Variants in GALNT1 observed in about 807,000 individuals in gnomAD.
The protein encoded by GALNT1 is polypeptide N-acetylgalactosaminyltransferase 1, also known as GalNAc transferase 1.
In GALNT1, 17 loss-of-function variants were observed where a neutral mutation model predicts 65.7. The ratio of observed to expected loss-of-function variants is 0.26; its 90% CI spans 0.18 to 0.39. GALNT1 has a LOEUF of 0.39. GALNT1 is among the 10% of genes least tolerant of loss of function. The pLI is 1.00. For synonymous variants in GALNT1, 210 were observed against 219.7 expected (o/e 0.96, Z 0.39); for missense variants, 460 against 672.8 (o/e 0.68, Z 3.50).
At chr18:35,697,131 T>TAAAGG (rs2048071416) in intron 9 of GALNT1, among the ~76,000 whole-genome samples, 1 of 152,258 alleles carries the variant, frequency 6.6e-6, no homozygotes, top group East Asian at 1.9e-4. Flanking sequence ...GGTCTGTGGA[T>TAAAGG]AAAGGAAAGA....
At position 35,615,684 on chromosome 18, in the gene GALNT1, C is replaced by G. The variant is rs1295357620; in HGVS notation, c.-104+33822C>G. 2.0e-5 allele frequency among the ~76,000 whole-genome samples: 3 copies of G among 152,124 alleles called. No individual in the cohort carries two copies. The East Asian group carries it at 5.8e-4, about 29-fold the overall frequency. ...AAGGATTTTTAGAATCAGTAATGCA[C>G]ACACCCATATGTCAGTACGCATACA... On this transcript the variant is annotated intron_variant, in intron 1 of 11. Transcript: ENST00000269195.
At chr18:35,602,203 G>C (rs1351539126) in intron 1 of GALNT1, among the ~76,000 whole-genome samples, 2 of 152,132 alleles carry the variant, frequency 1.3e-5, no homozygotes, top group Non-Finnish European at 2.9e-5. Context: ...CTTTTGGCTT[G>C]TGTAGTTTCC....
chr18:35,695,207 G>T (rs140135411), intron 9 of GALNT1, among the ~76,000 whole-genome samples: 1 of 148,946 alleles, frequency 6.7e-6, no homozygotes, highest in Non-Finnish European at 1.5e-5. Flanking sequence ...GGGATCTGTT[G>T]TTATGGGTGT....
chr18:35,668,916 C>G (rs1034998607), intron 3 of GALNT1, among the ~76,000 whole-genome samples: 1 of 152,100 alleles, frequency 6.6e-6, no homozygotes, highest in African/African-American at 2.4e-5. Context: ...AGTATAAGTT[C>G]TATAGCTATT....
chr18:35,656,233 G>C (rs889537305), intron 2 of GALNT1, among the ~76,000 whole-genome samples: 14 of 152,164 alleles, frequency 9.2e-5, no homozygotes, highest in African/African-American at 3.4e-4. Flanking sequence ...TTGACAGTGA[G>C]AAAGAATAGG....
chr18:35,651,433 ATAT>A (rs1398792295), intron 1 of GALNT1, among the ~76,000 whole-genome samples: 3 of 152,348 alleles, frequency 2.0e-5, no homozygotes, highest in Non-Finnish European at 4.4e-5. Context: ...GTAATGAAAA[ATAT>A]TATATCAAAA....
At chr18:35,702,863 A>G (rs781483284) in intron 9 of GALNT1, 34 bp from the exon 10 acceptor site, 20 of 1,431,948 alleles carry the variant, frequency 1.4e-5, no homozygotes, top group Admixed American at 3.8e-5. Flanking sequence ...AACTTCTCCA[A>G]CTCCTGATAT....
In GALNT1 at chr18:35,686,428, G is replaced by C. The variant is rs531532883; in HGVS notation, c.690-588G>C. Among the ~76,000 whole-genome samples the C allele has an allele frequency of 2.0e-5, 3 of 152,158 alleles. No individual in the cohort carries two copies. The South Asian group carries it at 6.2e-4, about 32-fold the overall frequency. On this transcript the variant is annotated intron_variant, in intron 5 of 11. Coordinates refer to ENST00000269195, the MANE Select transcript of GALNT1 (RefSeq NM_020474.4). The stretch of plus-strand genomic sequence containing the variant: ...TCTGAAGAAGAATCAGATCTAAGGG[G>C]GCTTGCCTTACTAGGCGTCAAGACT...
In GALNT1 at chr18:35,677,697, A is replaced by G; in HGVS notation, c.421A>G (p.Asn141Asp). The G allele has an allele frequency of 6.2e-7, 1 of 1,613,144 alleles. No individual in the cohort carries two copies. Among genetic ancestry groups the G allele is most frequent in the Non-Finnish European group, 8.5e-7 (1 of 1,179,310 alleles). ...TLLRTVHSVI[N>D]RSPRHMIEEI... ...TCTGCGAACTGTCCATAGTGTCATT[A>G]ATCGCTCACCAAGACACATGATAGA... Residue 141 changes from asparagine to aspartate, a missense_variant, in exon 4 of 12, where the codon AAT becomes GAT. Transcript: ENST00000269195.
In GALNT1 at chr18:35,654,791, TG is replaced by T; in HGVS notation, c.130del (p.Ala44LeufsTer5). 1 of 1,552,708 alleles carries T rather than the reference TG, an allele frequency of 6.4e-7. No individual in the cohort carries two copies. The highest frequency in any genetic ancestry group is 8.7e-7 in the Non-Finnish European group (1 of 1,146,260). On this transcript the variant is annotated frameshift_variant, in exon 2 of 12. Coordinates refer to ENST00000269195, the MANE Select transcript of GALNT1 (RefSeq NM_020474.4). LOFTEE classifies it high-confidence loss of function. ...ATGAAAAAAAGGAGAGAGGACTTCC[TG>T]CTGGAGATGGTGAGTGACATTTTAT... is the stretch of plus-strand genomic sequence containing the variant. ...CDEKKERGLP[A>X]GDVLEPVQKP... is the part of the protein sequence containing the mutation.
At chr18:35,621,589 G>A (rs533526867) in intron 1 of GALNT1, among the ~76,000 whole-genome samples, 12 of 151,886 alleles carry the variant, frequency 7.9e-5, no homozygotes, top group South Asian at 2.1e-4. Context: ...CCGGACTTTC[G>A]CATATCTTAT....
intron 7 of GALNT1, among the ~76,000 whole-genome samples, chr18:35,689,826 T>G (rs2047928687): frequency 6.6e-6 from 1 of 151,920 alleles, no homozygotes; most frequent in Non-Finnish European, 1.5e-5. Context: ...AGAATCAACA[T>G]ATCGTTTAAA....
chr18:35,608,825 A>G (rs1444267414), intron 1 of GALNT1, among the ~76,000 whole-genome samples: 1 of 152,222 alleles, frequency 6.6e-6, no homozygotes, highest in Non-Finnish European at 1.5e-5. Flanking sequence ...AGTTTTCTGC[A>G]TCTTCCAGCT....
rs200314816 is a variant in GALNT1 at position 35,692,376 on chromosome 18, T to TA, written c.1299+65dup. 2.2e-3 allele frequency: 2,363 copies of TA among 1,091,400 alleles called. 5 individuals are homozygous for TA. Among genetic ancestry groups the TA allele is most frequent in the African/African-American group, 8.4e-3 (506 of 60,008 alleles). 67.6% of individuals were successfully genotyped at this position (1,091,400 alleles called of 1,614,324 possible). A position where few individuals can be genotyped will look rare whatever the true frequency, so the allele number is the denominator to read the frequency against. ...GGTTATTATGTTCTTACTTTTTTAT[T>TA]AAAAAAAAATAGGAGTTAGTTAAAC... On this transcript the variant is annotated intron_variant, in intron 9 of 11. Transcript: ENST00000269195.
At chr18:35,639,079 C>A (rs1271293875) in intron 1 of GALNT1, among the ~76,000 whole-genome samples, 1 of 152,078 alleles carries the variant, frequency 6.6e-6, no homozygotes, top group African/African-American at 2.4e-5. Flanking sequence ...ATCCATAAAC[C>A]TAGTTGATAA....
chr18:35,702,471 C>T (rs928823909), intron 9 of GALNT1, among the ~76,000 whole-genome samples: 1 of 152,268 alleles, frequency 6.6e-6, no homozygotes, highest in African/African-American at 2.4e-5. Context: ...GCTTAAGCTT[C>T]CAGGTAAGAC....
chr18:35,681,084 A>G (rs1249585946), intron 4 of GALNT1, among the ~76,000 whole-genome samples: 5 of 151,864 alleles, frequency 3.3e-5, no homozygotes, highest in Non-Finnish European at 7.4e-5. Flanking sequence ...CTTCTCTACT[A>G]CTCCTTAGAG....
At chr18:35,702,057 A>G (rs760545264) in intron 9 of GALNT1, among the ~76,000 whole-genome samples, 1 of 152,178 alleles carries the variant, frequency 6.6e-6, no homozygotes, top group Admixed American at 6.5e-5. Context: ...TGAGTCTTCT[A>G]TGTCAGAACC....
intron 7 of GALNT1, among the ~76,000 whole-genome samples, 197 bp from the exon 8 acceptor site, chr18:35,690,815 C>G (rs1373278832): frequency 6.6e-6 from 1 of 152,126 alleles, no homozygotes; most frequent in Non-Finnish European, 1.5e-5. Context: ...CATATATGGT[C>G]TTTGCTGTTA....
Sources: allele counts gnomAD v4.1 joint callset (sites outside exome capture counted in the v4.1 genomes callset), GRCh38; gene constraint gnomAD v4.1.1; transcripts MANE v1.5; gene names NCBI Gene and HGNC (gene_info 2026-07-23, HGNC 2026-07-21).